PGCKA1: variants seen among roughly 807,000 people sequenced by gnomAD.
PGCKA1 encodes PDCD10 and GCKIII kinases associated 1, also known as PDCD10 and GCKIII kinases-associated protein 1.
At chr4:37,501,007 C>T in the PGCKA1 span, among the ~76,000 whole-genome samples, 1 of 152,044 alleles carries the variant, frequency 6.6e-6, no homozygotes, top group Non-Finnish European at 1.5e-5. Context: ...CTATGAGTGT[C>T]GTTACATGTC....
At chr4:37,471,412 C>T in the PGCKA1 span, among the ~76,000 whole-genome samples, 1 of 152,116 alleles carries the variant, frequency 6.6e-6, no homozygotes, top group Non-Finnish European at 1.5e-5. Context: ...ACAGAGACAG[C>T]CTCAGTCTTT....
the PGCKA1 span, among the ~76,000 whole-genome samples, chr4:37,544,663 TA>T: frequency 5.6e-4 from 84 of 151,148 alleles, no homozygotes; most frequent in South Asian, 9.4e-3. Flanking sequence ...GTTCTCTGAT[TA>T]AAAAAAAACA....
At chr4:37,549,305 T>C in the PGCKA1 span, among the ~76,000 whole-genome samples, 3 of 152,202 alleles carry the variant, frequency 2.0e-5, no homozygotes, top group Non-Finnish European at 2.9e-5. Flanking sequence ...TTTAGTCCAA[T>C]TGCCTATCCC....
At chr4:37,569,505 AGGT>A in the PGCKA1 span, among the ~76,000 whole-genome samples, 1 of 152,034 alleles carries the variant, frequency 6.6e-6, no homozygotes, top group South Asian at 2.1e-4. Flanking sequence ...GGCCCCGAGG[AGGT>A]GGATTTCTTA....
At chr4:37,560,795 A>G in the PGCKA1 span, among the ~76,000 whole-genome samples, 1 of 145,686 alleles carries the variant, frequency 6.9e-6, no homozygotes, top group African/African-American at 2.5e-5. Flanking sequence ...TTTCTTCATT[A>G]GTGATCTTGA....
the PGCKA1 span, chr4:37,460,701 A>G: frequency 5.4e-5 from 21 of 386,776 alleles, no homozygotes; most frequent in Admixed American, 7.1e-4. Flanking sequence ...TTTCTTGTAA[A>G]TTTGTTTAAG....
chr4:37,472,901 G>A, the PGCKA1 span, among the ~76,000 whole-genome samples: 1 of 152,204 alleles, frequency 6.6e-6, no homozygotes, highest in Non-Finnish European at 1.5e-5. Flanking sequence ...CTGCAAGGAA[G>A]AGTGTGCAAA....
chr4:37,512,579 G>A, the PGCKA1 span, among the ~76,000 whole-genome samples: 1 of 150,408 alleles, frequency 6.6e-6, no homozygotes, highest in East Asian at 2.0e-4. Context: ...TCATCCTCCC[G>A]AATAGCTGGG....
the PGCKA1 span, among the ~76,000 whole-genome samples, chr4:37,520,002 G>T: frequency 6.6e-6 from 1 of 152,124 alleles, no homozygotes; most frequent in Non-Finnish European, 1.5e-5. Context: ...TGCTTTTTCA[G>T]TATCAATTGA....
the PGCKA1 span, among the ~76,000 whole-genome samples, chr4:37,455,608 C>A: frequency 3.9e-5 from 6 of 152,160 alleles, no homozygotes; most frequent in African/African-American, 1.2e-4. Context: ...GAAATAGGGC[C>A]AATCTTTCCT....
the PGCKA1 span, among the ~76,000 whole-genome samples, chr4:37,534,987 A>G: frequency 6.6e-6 from 1 of 152,202 alleles, no homozygotes; most frequent in Admixed American, 6.5e-5. Flanking sequence ...TCTTCCGCAT[A>G]CTGAGGATTC....
chr4:37,574,992 A>G, the PGCKA1 span, among the ~76,000 whole-genome samples: 4 of 152,110 alleles, frequency 2.6e-5, no homozygotes, highest in African/African-American at 9.7e-5. Context: ...ACTCTATACC[A>G]CATTTTCTTT....
the PGCKA1 span, among the ~76,000 whole-genome samples, chr4:37,524,368 A>G: frequency 1.3e-5 from 2 of 151,774 alleles, no homozygotes; most frequent in Non-Finnish European, 2.9e-5. Context: ...GGCCTTAGTC[A>G]TGGAGGCTTG....
the PGCKA1 span, among the ~76,000 whole-genome samples, chr4:37,539,867 G>A: frequency 6.6e-6 from 1 of 152,098 alleles, no homozygotes; most frequent in South Asian, 2.1e-4. Flanking sequence ...AAAAAAATGG[G>A]ACATGTTGTA....
the PGCKA1 span, among the ~76,000 whole-genome samples, chr4:37,543,823 G>T: frequency 7.7e-6 from 1 of 130,054 alleles, no homozygotes; most frequent in Non-Finnish European, 1.7e-5. Flanking sequence ...GACAGAGCAA[G>T]ACTCCGTCTC....
the PGCKA1 span, among the ~76,000 whole-genome samples, chr4:37,573,320 C>T: frequency 1.3e-5 from 2 of 152,204 alleles, no homozygotes; most frequent in African/African-American, 4.8e-5. Context: ...CATCCTTTCA[C>T]AAACCCTAAG....
the PGCKA1 span, among the ~76,000 whole-genome samples, chr4:37,529,099 T>C: frequency 2.6e-5 from 4 of 151,156 alleles, no homozygotes; most frequent in Admixed American, 6.7e-5. Flanking sequence ...AATCTAGCTT[T>C]AAGTTTTATA....
At chr4:37,459,729 C>T in the PGCKA1 span, among the ~76,000 whole-genome samples, 1 of 151,680 alleles carries the variant, frequency 6.6e-6, no homozygotes, top group African/African-American at 2.4e-5. Flanking sequence ...ATGCAGAGCC[C>T]TGCACTAAAG....
At chr4:37,516,676 A>G in the PGCKA1 span, among the ~76,000 whole-genome samples, 3 of 152,314 alleles carry the variant, frequency 2.0e-5, no homozygotes, top group African/African-American at 7.2e-5. Flanking sequence ...AAACACATGA[A>G]TACTCTTGTG....
Sources: gnomAD v4.1 joint callset for allele counts (sites outside exome capture counted in the v4.1 genomes callset) on GRCh38, gnomAD v4.1.1 for gene constraint, MANE v1.5 for transcripts, NCBI Gene and HGNC (gene_info 2026-07-23, HGNC 2026-07-21) for gene names.